Variants in DMD observed in about 807,000 individuals in gnomAD.
The protein encoded by DMD is mutant dystrophin.
In DMD, 63 loss-of-function variants were observed where a neutral mutation model predicts 330.1. The observed-to-expected ratio is 0.19, with a 90% CI of 0.16 to 0.24. The LOEUF is 0.24. Ranked by LOEUF, DMD falls within the 10% of genes least tolerant of loss-of-function variation. DMD has a pLI of 1.00. For synonymous variants in DMD, 1,223 were observed against 959.8 expected (o/e 1.27, Z -5.07); for missense variants, 3,344 against 2,684.1 (o/e 1.25, Z -5.43).
intron 1 of DMD, among the ~76,000 whole-genome samples, chrX:33,288,643 C>T (rs759760724): frequency 5.6e-4 from 62 of 111,203 alleles, no homozygotes; most frequent in African/African-American, 1.9e-3. Context: ...TTCATGGCTC[C>T]ACAGATGCTG....
At chrX:32,525,908 C>T (rs763899618) in intron 17 of DMD, among the ~76,000 whole-genome samples, 1 of 112,019 alleles carries the variant, frequency 8.9e-6, no homozygotes, top group African/African-American at 3.2e-5. Flanking sequence ...CCATATTCAA[C>T]GTTGGATTCT....
intron 43 of DMD, among the ~76,000 whole-genome samples, chrX:32,225,883 T>C (rs942609932): frequency 1.8e-5 from 2 of 111,516 alleles, no homozygotes; most frequent in Admixed American, 9.6e-5. Flanking sequence ...CTCTTTACTT[T>C]ATAAACACCC....
intron 9 of DMD, among the ~76,000 whole-genome samples, chrX:32,664,247 T>G (rs1046630547): frequency 1.2e-4 from 12 of 99,860 alleles, no homozygotes; most frequent in African/African-American, 4.4e-4. Flanking sequence ...GGTTTTTTTT[T>G]TTTTTTTTTT....
At chrX:33,077,465 C>CT (rs752920047) in intron 1 of DMD, among the ~76,000 whole-genome samples, 2 of 111,139 alleles carry the variant, frequency 1.8e-5, no homozygotes, top group East Asian at 5.7e-4. Flanking sequence ...AAGGTATAGG[C>CT]TATAAAGATG....
chrX:32,852,393 C>G (rs1010538425), intron 2 of DMD, among the ~76,000 whole-genome samples: 4 of 111,692 alleles, frequency 3.6e-5, no homozygotes, highest in Non-Finnish European at 7.5e-5. Flanking sequence ...CAGTAGTAGC[C>G]AGGCAGTATT....
chrX:32,776,282 A>C (rs867105635), intron 7 of DMD, among the ~76,000 whole-genome samples: 40 of 89,160 alleles, frequency 4.5e-4, no homozygotes, highest in Admixed American at 1.4e-3. Flanking sequence ...TCTTCTTCTG[A>C]CCCCCCCCCC....
chrX:32,170,002 G>C lies in DMD; in HGVS notation c.6438+46914C>G, dbSNP rs139071233. ...CTAAAGGATTTAATTTTAATGTTGTGATAAGCTATTTTTCTAAATGATTTT... is the reference window on the plus strand; with the variant it reads ...CTAAAGGATTTAATTTTAATGTTGTCATAAGCTATTTTTCTAAATGATTTT... On this transcript the variant is annotated intron_variant, in intron 44 of 78. Coordinates refer to ENST00000357033, the MANE Select transcript of DMD (RefSeq NM_004006.3). Among the ~76,000 whole-genome samples the C allele has an allele frequency of 3.5e-3, 394 of 111,540 alleles. 2 individuals are homozygous for C. Among genetic ancestry groups the C allele is most frequent in the African/African-American group, 0.011 (349 of 30,741 alleles).
intron 43 of DMD, among the ~76,000 whole-genome samples, chrX:32,252,697 AAT>A (rs1351694252): frequency 4.5e-4 from 19 of 41,918 alleles, no homozygotes; most frequent in Admixed American, 1.4e-3. Context: ...TATATATATA[AAT>A]ATATATAAAT....
chrX:32,112,455 G>A lies in DMD; in HGVS notation c.6438+104461C>T, dbSNP rs188942261. Among the ~76,000 whole-genome samples, 716 of 111,903 alleles carry A rather than the reference G, an allele frequency of 6.4e-3. 2 individuals are homozygous for A. The highest frequency in any genetic ancestry group is 9.7e-3 in the Non-Finnish European group (515 of 53,185). Reference sequence around the variant, plus strand: ...GAGGTAGAGGGCCAACTGTATTCAAGTAGCAGCGGGAAGGTCATATGGTGG... The same window carrying A: ...GAGGTAGAGGGCCAACTGTATTCAAATAGCAGCGGGAAGGTCATATGGTGG... On this transcript the variant is annotated intron_variant, in intron 44 of 78. Transcript: ENST00000357033.
chrX:31,478,228 G>C lies in DMD; in HGVS notation c.8815C>G (p.Leu2939Val). The C allele has an allele frequency of 2.5e-6, 3 of 1,211,248 alleles. No homozygotes were observed. In the African/African-American group the frequency reaches 5.2e-5, roughly 21 times the overall value. Reference sequence around the variant, plus strand: ...TCCAGCTCATCCGTGGCCTCTTGAAGTTCCCGGAGTCTTTCAAGGGTCTCA... The same window carrying C: ...TCCAGCTCATCCGTGGCCTCTTGAACTTCCCGGAGTCTTTCAAGGGTCTCA... Reference protein sequence around the residue: ...IDETLERLRELQEATDELDLK... With the variant: ...IDETLERLREVQEATDELDLK... Residue 2939 changes from leucine to valine, a missense_variant, in exon 59 of 79, where the codon CTT (leucine) becomes GTT (valine). By Grantham distance (32) the Leu-to-Val change is conservative. Coordinates refer to ENST00000357033, the MANE Select transcript of DMD (RefSeq NM_004006.3).
chrX:33,253,724 G>A (rs1321459357), intron 1 of DMD, among the ~76,000 whole-genome samples: 2 of 110,870 alleles, frequency 1.8e-5, no homozygotes, highest in South Asian at 3.7e-4. Flanking sequence ...AGGTATAAGC[G>A]GTTATGAAGT....
intron 55 of DMD, among the ~76,000 whole-genome samples, chrX:31,530,692 T>C (rs2073706649): frequency 2.5e-5 from 2 of 78,537 alleles, no homozygotes; most frequent in Non-Finnish European, 4.8e-5. Flanking sequence ...TTTTTTATTA[T>C]ACTCTAAGTT....
chrX:32,145,936 T>C (rs978019975), intron 44 of DMD, among the ~76,000 whole-genome samples: 2 of 112,124 alleles, frequency 1.8e-5, no homozygotes, highest in Admixed American at 9.5e-5. Context: ...CCATACTAAT[T>C]TTTTATTGGA....
chrX:31,695,649 G>A (rs1323734526), intron 52 of DMD, among the ~76,000 whole-genome samples: 1 of 111,108 alleles, frequency 9.0e-6, no homozygotes, highest in Non-Finnish European at 1.9e-5. Context: ...AGGACATTAG[G>A]TTAAGTGAAA....
chrX:31,723,066 A>G (rs781659982), intron 52 of DMD, among the ~76,000 whole-genome samples: 39 of 94,653 alleles, frequency 4.1e-4, no homozygotes, highest in African/African-American at 1.6e-3. Context: ...ATTATTATTC[A>G]GTGTGTGTCT....
chrX:33,052,459 A>G lies in DMD; in HGVS notation c.32-32259T>C, dbSNP rs184330160. Among the ~76,000 whole-genome samples the G allele has an allele frequency of 2.9e-4, 32 of 112,062 alleles. 1 individual carries two copies. The highest frequency in any genetic ancestry group is 9.4e-4 in the African/African-American group (29 of 30,904). ...ACGGAAGTAAATTTGCTGTTCCCTT[A>G]TAAACATATCCTGATAATATGGAAA... On this transcript the variant is annotated intron_variant, in intron 1 of 78. Transcript: ENST00000357033.
chrX:32,830,627 T>A lies in DMD; in HGVS notation c.265-7240A>T, dbSNP rs184294402. Among the ~76,000 whole-genome samples, 232 of 111,654 alleles carry A rather than the reference T, an allele frequency of 2.1e-3. 4 individuals are homozygous for A. The East Asian group carries it at 0.031, about 15-fold the overall frequency. On this transcript the variant is annotated intron_variant, in intron 4 of 78. Transcript: ENST00000357033. ...TGAAAATTGATATTCTGTGTGAAAA[T>A]GTAATAACATGCCTTGAGTTTTTGC... is the stretch of plus-strand genomic sequence containing the variant.
intron 1 of DMD, among the ~76,000 whole-genome samples, chrX:33,153,803 C>A (rs1216771782): frequency 8.9e-6 from 1 of 111,980 alleles, no homozygotes; most frequent in Non-Finnish European, 1.9e-5. Context: ...CCACAGGGAT[C>A]TTGAAAAGAT....
At chrX:31,304,603 T>A (rs2054883811) in intron 62 of DMD, among the ~76,000 whole-genome samples, 3 of 104,605 alleles carry the variant, frequency 2.9e-5, no homozygotes, top group South Asian at 4.0e-4. Flanking sequence ...TGTGAGCATT[T>A]TATATATATA....
Sources: allele counts gnomAD v4.1 joint callset (sites outside exome capture counted in the v4.1 genomes callset), GRCh38; gene constraint gnomAD v4.1.1; transcripts MANE v1.5; gene names NCBI Gene and HGNC (gene_info 2026-07-23, HGNC 2026-07-21).